Variants in TAMM41 observed in about 807,000 individuals in gnomAD.
TAMM41 encodes phosphatidate cytidylyltransferase, mitochondrial.
Under a neutral mutation model 44.1 loss-of-function variants are expected in TAMM41, and 36 were observed. The ratio of observed to expected loss-of-function variants is 0.82; its 90% CI spans 0.63 to 1.08. The LOEUF is 1.08. TAMM41 is among the 50% of genes least tolerant of loss of function. The pLI is 0.00. For missense variants in TAMM41, 417 were observed against 404.3 expected (o/e 1.03, Z -0.27); for synonymous variants, 164 against 153.1 (o/e 1.07, Z -0.53).
intron 3 of TAMM41, among the ~76,000 whole-genome samples, chr3:11,830,077 C>T (rs1260101515): frequency 1.3e-5 from 2 of 152,136 alleles, no homozygotes; most frequent in Non-Finnish European, 2.9e-5. Flanking sequence ...AGGAAAGGAT[C>T]AAAATGCCAA....
rs182281153 is a variant in TAMM41 at position 11,844,741 on chromosome 3, T to A, written c.136-530A>T. ...ATATAAAAGGAAGTCAGTTATTTTA[T>A]CTCTTACCTATTCACCAACCACTTA... On this transcript the variant is annotated intron_variant, in intron 1 of 7. Coordinates refer to ENST00000455809, the MANE Select transcript of TAMM41 (RefSeq NM_001284401.2). 9.8e-4 allele frequency: 339 copies of A among 345,174 alleles called. 2 individuals carry two copies. Among genetic ancestry groups the A allele is most frequent in the African/African-American group, 6.6e-3 (307 of 46,282 alleles). The allele number at this position is 345,174 out of a possible 1,614,324, so 21.4% of individuals were successfully genotyped here.
At chr3:11,836,100 C>T (rs2079162639) in intron 3 of TAMM41, among the ~76,000 whole-genome samples, 1 of 151,408 alleles carries the variant, frequency 6.6e-6, no homozygotes, top group South Asian at 2.1e-4. Context: ...CAGCGATTCT[C>T]CTGCCTCAGC....
chr3:11,840,216 C>G (rs531722642), intron 2 of TAMM41, among the ~76,000 whole-genome samples: 1 of 149,220 alleles, frequency 6.7e-6, no homozygotes, highest in South Asian at 2.2e-4. Flanking sequence ...CCCAGCCTCA[C>G]GTTAATGTTA....
chr3:11,813,055 T>C (rs994549558), intron 5 of TAMM41, among the ~76,000 whole-genome samples: 1 of 152,178 alleles, frequency 6.6e-6, no homozygotes, highest in Non-Finnish European at 1.5e-5. Flanking sequence ...TTATAGGCCA[T>C]AGGGAGGATT....
the TAMM41 span, among the ~76,000 whole-genome samples, chr3:11,747,938 A>C: frequency 6.8e-6 from 1 of 148,110 alleles, no homozygotes; most frequent in Admixed American, 6.8e-5. Flanking sequence ...GCAGTGGTTC[A>C]ATCTCAGCTC....
intron 3 of TAMM41, among the ~76,000 whole-genome samples, chr3:11,833,467 G>T (rs1410705294): frequency 6.6e-6 from 1 of 152,108 alleles, no homozygotes; most frequent in Non-Finnish European, 1.5e-5. Context: ...CCGCCCACCA[G>T]AACTTTTCCA....
At chr3:11,794,630 A>C (rs1276987506) in intron 7 of TAMM41, among the ~76,000 whole-genome samples, 6 of 152,238 alleles carry the variant, frequency 3.9e-5, no homozygotes, top group Non-Finnish European at 5.9e-5. Context: ...GCATGCAGAA[A>C]GCTATGTCAC....
intron 2 of TAMM41, 92 bp from the exon 3 acceptor site, chr3:11,839,406 G>T: frequency 1.2e-6 from 1 of 810,638 alleles, no homozygotes; most frequent in South Asian, 1.9e-5. Context: ...TAAAATTCTT[G>T]ACCAGAGCAG....
chr3:11,724,478 T>G, the TAMM41 span, among the ~76,000 whole-genome samples: 2 of 151,334 alleles, frequency 1.3e-5, no homozygotes, highest in African/African-American at 4.9e-5. Context: ...TGCAGTGGCA[T>G]AATCTCAGCT....
chr3:11,818,823 A>G (rs928136801), intron 4 of TAMM41, among the ~76,000 whole-genome samples: 1 of 149,768 alleles, frequency 6.7e-6, no homozygotes, highest in Admixed American at 6.7e-5. Flanking sequence ...GCGTGAACCC[A>G]GGAGGCAGAG....
At chr3:11,802,420 A>G (rs6442287) in intron 7 of TAMM41, among the ~76,000 whole-genome samples, 20,619 of 152,164 alleles carry the variant, frequency 0.14, 3,088 homozygotes, top group East Asian at 0.48. Flanking sequence ...ACTATTATAA[A>G]CAACTAGATG....
At chr3:11,769,350 AAG>A in the TAMM41 span, among the ~76,000 whole-genome samples, 2 of 142,088 alleles carry the variant, frequency 1.4e-5, no homozygotes, top group African/African-American at 2.8e-5. Context: ...TTGGCCTCCC[AAG>A]AGATTTTTTT....
downstream of TAMM41, among the ~76,000 whole-genome samples, chr3:11,790,205 C>T (rs1261110760): frequency 1.3e-5 from 2 of 152,166 alleles, no homozygotes; most frequent in Non-Finnish European, 2.9e-5. Flanking sequence ...TGACAGCATA[C>T]AAGAAATTTG....
At chr3:11,749,708 A>C in the TAMM41 span, among the ~76,000 whole-genome samples, 1,008 of 152,264 alleles carry the variant, frequency 6.6e-3, 13 homozygotes, top group African/African-American at 0.023. Flanking sequence ...ATGAAGCGGA[A>C]GGGAGGGCTC....
the TAMM41 span, among the ~76,000 whole-genome samples, chr3:11,781,736 AAATAATAATAATAAT>A: frequency 5.7e-5 from 7 of 123,076 alleles, no homozygotes; most frequent in Non-Finnish European, 8.1e-5. Context: ...CTCCATCTCA[AAATAATAATAATAAT>A]AATAATAATA....
At chr3:11,831,163 G>T (rs908255024) in intron 3 of TAMM41, among the ~76,000 whole-genome samples, 2 of 152,162 alleles carry the variant, frequency 1.3e-5, no homozygotes, top group Non-Finnish European at 2.9e-5. Context: ...TGGGCCAGCG[G>T]TTCTCATCTT....
intron 7 of TAMM41, among the ~76,000 whole-genome samples, chr3:11,794,982 C>G (rs1406017304): frequency 6.6e-6 from 1 of 152,140 alleles, no homozygotes; most frequent in Non-Finnish European, 1.5e-5. Context: ...AAGTGATAAG[C>G]AAATCAGCAA....
intron 4 of TAMM41, among the ~76,000 whole-genome samples, chr3:11,824,213 C>CA (rs202127601): frequency 0.014 from 2,126 of 151,010 alleles, 55 homozygotes; most frequent in African/African-American, 0.049. Context: ...TTTTTTTAGA[C>CA]AGAGTCTCAC....
rs199981869 is a variant in TAMM41 at position 11,817,232 on chromosome 3, T to C, written c.668A>G (p.Asn223Ser). 6.2e-7 allele frequency: 1 copy of C among 1,612,734 alleles called. No individual in the cohort carries two copies. Among genetic ancestry groups the C allele is most frequent in the African/African-American group, 1.3e-5 (1 of 75,044 alleles). Residue 223 changes from asparagine to serine, a missense_variant, in exon 5 of 8, where the codon AAT (asparagine) becomes AGT (serine). Physicochemically the swap from Asn to Ser is conservative, Grantham distance 46. Coordinates refer to ENST00000455809, the MANE Select transcript of TAMM41 (RefSeq NM_001284401.2). ...RELYGSILQE[N>S]PQVVYKSQQG... ...CTGGCTTTTATACACCACTTGAGGA[T>C]TTTCCTGTAGTATGCTGCCATAGAG...
Sources: allele counts gnomAD v4.1 joint callset (sites outside exome capture counted in the v4.1 genomes callset), GRCh38; gene constraint gnomAD v4.1.1; transcripts MANE v1.5; gene names NCBI Gene and HGNC (gene_info 2026-07-23, HGNC 2026-07-21).